Variants in ARHGAP29 observed in about 807,000 individuals in gnomAD.
ARHGAP29 encodes rho GTPase-activating protein 29.
In ARHGAP29, 43 loss-of-function variants were observed where a neutral mutation model predicts 122.6. The observed-to-expected ratio is 0.35, with a 90% CI of 0.27 to 0.45. The LOEUF (loss-of-function observed/expected upper bound fraction) is 0.45, where lower values mean the gene tolerates loss of function less well. Among genes scored for constraint, ARHGAP29 ranks in the 20% least tolerant of loss-of-function variants. ARHGAP29 has a pLI of 1.00. For synonymous variants in ARHGAP29, 506 were observed against 497.1 expected (o/e 1.02, Z -0.24); for missense variants, 1,303 against 1,477.2 (o/e 0.88, Z 1.93).
At chr1:94,312,518 G>C in the ARHGAP29 span, among the ~76,000 whole-genome samples, 1 of 149,860 alleles carries the variant, frequency 6.7e-6, no homozygotes, top group Non-Finnish European at 1.5e-5. Flanking sequence ...TGCAACCTCT[G>C]CCTCCCAGGT....
the ARHGAP29 span, among the ~76,000 whole-genome samples, chr1:94,284,948 A>G: frequency 6.6e-6 from 1 of 152,156 alleles, no homozygotes; most frequent in South Asian, 2.1e-4. Flanking sequence ...TCCACATAAG[A>G]GTTATTAGGA....
intron 3 of ARHGAP29, among the ~76,000 whole-genome samples, chr1:94,210,938 C>A (rs1651557290): frequency 6.7e-6 from 1 of 149,534 alleles, no homozygotes; most frequent in Non-Finnish European, 1.5e-5. Flanking sequence ...ATACAAAGGA[C>A]ATTACCAGGG....
intron 2 of ARHGAP29, among the ~76,000 whole-genome samples, chr1:94,225,942 T>G (rs920485097): frequency 2.0e-5 from 3 of 152,040 alleles, no homozygotes; most frequent in South Asian, 4.1e-4. Flanking sequence ...AAGCCATTTA[T>G]TTTCTGCTTC....
At chr1:94,299,130 A>G in the ARHGAP29 span, among the ~76,000 whole-genome samples, 2 of 151,722 alleles carry the variant, frequency 1.3e-5, no homozygotes, top group African/African-American at 4.9e-5. Flanking sequence ...ATAATCCTGC[A>G]GTATTAATGT....
chr1:94,240,969 A>G (rs1487124636), upstream of ARHGAP29, among the ~76,000 whole-genome samples: 2 of 152,144 alleles, frequency 1.3e-5, no homozygotes, highest in East Asian at 1.9e-4. Flanking sequence ...ACATTTGACA[A>G]TATCTGGAGA....
At position 94,180,421 on chromosome 1, in the gene ARHGAP29, T is replaced by A. The variant is rs192998914; in HGVS notation, c.2248-464A>T. On this transcript the variant is annotated intron_variant, in intron 19 of 22. Transcript: ENST00000260526. ...TTAACATTTTATTTATCTAATTTTTTAATACACCTTGAATTGCCATAAATA... is the reference window on the plus strand; with the variant it reads ...TTAACATTTTATTTATCTAATTTTTAAATACACCTTGAATTGCCATAAATA... Among the ~76,000 whole-genome samples the A allele has an allele frequency of 2.9e-4, 44 of 152,344 alleles. No individual in the cohort carries two copies. The East Asian group carries it at 7.1e-3, about 25-fold the overall frequency.
chr1:94,259,745 G>A (rs933072730), intron 1 of ARHGAP29, among the ~76,000 whole-genome samples: 1 of 152,190 alleles, frequency 6.6e-6, no homozygotes, highest in Non-Finnish European at 1.5e-5. Flanking sequence ...ATCCATTTCT[G>A]TTGTTTTAAG....
Position 94,208,923 on chromosome 1 carries a change from A to G in ARHGAP29, c.438-19T>C, listed in dbSNP as rs1651396965. The G allele has an allele frequency of 4.4e-6, 7 of 1,603,698 alleles. No individual in the cohort carries two copies. In the Admixed American group the frequency reaches 1.2e-4, roughly 27 times the overall value. ...TGTAAGGCTATCCAAGGAGGTTAAAAAAAGAAAGACAAGTCATTATACTTC... is the reference window on the plus strand; with the variant it reads ...TGTAAGGCTATCCAAGGAGGTTAAAGAAAGAAAGACAAGTCATTATACTTC... On this transcript the variant is annotated intron_variant, in intron 4 of 22. Coordinates refer to ENST00000260526, the MANE Select transcript of ARHGAP29 (RefSeq NM_004815.4).
In ARHGAP29 at chr1:94,169,637, C is replaced by T. The variant is rs74969677; in HGVS notation, c.*4232G>A. On this transcript the variant is annotated 3_prime_UTR_variant, in exon 23 of 23. Coordinates refer to ENST00000260526, the MANE Select transcript of ARHGAP29 (RefSeq NM_004815.4). ...CTATTCTTGAATGTGTGTAGACACA[C>T]GTTTTCCTTTGAGCTGTTCACCAAT... Among the ~76,000 whole-genome samples the T allele has an allele frequency of 7.9e-3, 1,204 of 152,246 alleles. 11 individuals are homozygous for T. The highest frequency in any genetic ancestry group is 0.031 in the South Asian group (150 of 4,812).
chr1:94,288,662 G>A, the ARHGAP29 span, among the ~76,000 whole-genome samples: 2 of 152,096 alleles, frequency 1.3e-5, no homozygotes, highest in African/African-American at 4.8e-5. Context: ...TCCATCTTGA[G>A]TTAATTTTTG....
intron 1 of ARHGAP29, among the ~76,000 whole-genome samples, chr1:94,258,110 A>G (rs1654429165): frequency 6.6e-6 from 1 of 152,214 alleles, no homozygotes; most frequent in Non-Finnish European, 1.5e-5. Flanking sequence ...TCCTGCAGGA[A>G]GTATCCATTC....
At chr1:94,186,627 G>T (rs1301334650) in intron 15 of ARHGAP29, 30 bp from the exon 16 acceptor site, 4 of 1,447,224 alleles carry the variant, frequency 2.8e-6, no homozygotes, top group Non-Finnish European at 3.9e-6. Flanking sequence ...ACAATTACCT[G>T]ACCATTCATT....
intron 5 of ARHGAP29, among the ~76,000 whole-genome samples, chr1:94,207,067 G>A (rs1471655023): frequency 2.7e-5 from 4 of 148,758 alleles, no homozygotes; most frequent in East Asian, 4.0e-4. Flanking sequence ...GGAGTGCAGC[G>A]CCACGATCTT....
chr1:94,255,890 T>C (rs557167084), intron 1 of ARHGAP29, among the ~76,000 whole-genome samples: 107 of 152,360 alleles, frequency 7.0e-4, no homozygotes, highest in Middle Eastern at 3.4e-3. Context: ...TAGTTAATAA[T>C]ACTAATTCCA....
chr1:94,186,471 T>C, intron 16 of ARHGAP29, 28 bp downstream of exon 16: 1 of 1,508,956 alleles, frequency 6.6e-7, no homozygotes, highest in Non-Finnish European at 9.2e-7. Context: ...GCTGGTTTAG[T>C]GGGACTTAAT....
At chr1:94,290,340 G>A in the ARHGAP29 span, among the ~76,000 whole-genome samples, 46 of 152,054 alleles carry the variant, frequency 3.0e-4, no homozygotes, top group South Asian at 9.3e-3. Context: ...CTTGCTAGTG[G>A]TCTATCTATT....
intron 19 of ARHGAP29, among the ~76,000 whole-genome samples, chr1:94,182,332 G>C (rs886447963): frequency 1.3e-5 from 2 of 151,982 alleles, no homozygotes; most frequent in East Asian, 1.9e-4. Context: ...AACCTGTCCA[G>C]GTTGTCAAGT....
rs1048846 is a variant in ARHGAP29 at position 94,201,794 on chromosome 1, G to C, written c.1207C>G (p.Leu403Val). 6.2e-7 allele frequency: 1 copy of C among 1,613,344 alleles called. No homozygotes were observed. Among genetic ancestry groups the C allele is most frequent in the Non-Finnish European group, 8.5e-7 (1 of 1,179,746 alleles). ...AAAATTTCTCTTTTGGTATTTTCTA[G>C]ATCATTTCTTCTTTCTTCAACATTT... Reference protein sequence around the residue: ...VTNVEERRNDLENTKREILAQ... With the variant: ...VTNVEERRNDVENTKREILAQ... The change falls in exon 12 of 23, where the codon CTA becomes GTA. Residue 403 changes from leucine to valine, a missense_variant. Around this residue, in one of 3 missense-constraint regions of ARHGAP29, gnomAD observed 592 missense variants for 648.2 expected, o/e 0.91. Transcript: ENST00000260526.
chr1:94,284,803 AG>A, the ARHGAP29 span, among the ~76,000 whole-genome samples: 103 of 152,302 alleles, frequency 6.8e-4, no homozygotes, highest in South Asian at 0.018. Context: ...ACAAAACCTA[AG>A]TTTCTTTGAT....
Sources: allele counts gnomAD v4.1 joint callset (sites outside exome capture counted in the v4.1 genomes callset), GRCh38; gene constraint gnomAD v4.1.1; regional missense constraint gnomAD v4.1.1; transcripts MANE v1.5; gene names NCBI Gene and HGNC (gene_info 2026-07-23, HGNC 2026-07-21).